DNAJC8: variants seen among roughly 807,000 people sequenced by gnomAD.
DNAJC8 encodes dnaJ homolog subfamily C member 8.
DNAJC8 carries 24 observed loss-of-function variants against 43.2 expected under a neutral mutation model. The observed-to-expected ratio is 0.56, with a 90% CI of 0.40 to 0.78. DNAJC8 has a LOEUF of 0.78. Ranked by LOEUF, DNAJC8 falls within the 30% of genes least tolerant of loss-of-function variation. The pLI, the probability that DNAJC8 is intolerant of heterozygous loss-of-function variation, is 0.00. For synonymous variants in DNAJC8, 83 were observed against 98.0 expected, an observed-to-expected ratio of 0.85 and a Z score of 0.90; for missense variants, 207 against 299.4, an observed-to-expected ratio of 0.69 and a Z score of 2.28.
chr1:28,228,434 G>T (rs143607157), intron 2 of DNAJC8, among the ~76,000 whole-genome samples: 2 of 151,826 alleles, frequency 1.3e-5, no homozygotes, highest in South Asian at 4.2e-4. Context: ...ATATATTTGG[G>T]TTGCTAAAAG....
chr1:28,208,333 T>G lies in DNAJC8; in HGVS notation c.471+9A>C. On this transcript the variant is annotated intron_variant, in intron 6 of 8. Transcript: ENST00000263697. ...CAAGATACAGTGGCTTTTCCTATAT[T>G]TAACTCACCAGCTCAGGATCATCCT... The G allele has an allele frequency of 1.2e-6, 2 of 1,610,258 alleles. No homozygotes were observed. The highest frequency in any genetic ancestry group is 1.7e-6 in the Non-Finnish European group (2 of 1,177,934).
At chr1:28,229,083 TAAC>T (rs1646956820) in intron 1 of DNAJC8, 60 bp from the exon 2 acceptor site, 1 of 1,382,626 alleles carries the variant, frequency 7.2e-7, no homozygotes, top group African/African-American at 1.4e-5. Context: ...TGAATTATCT[TAAC>T]AAAATGTTCA....
intron 5 of DNAJC8, among the ~76,000 whole-genome samples, chr1:28,209,529 C>T (rs1033756850): frequency 1.2e-4 from 19 of 152,156 alleles, no homozygotes; most frequent in Non-Finnish European, 2.9e-5. Context: ...TTAAGATGGA[C>T]ATAAACCTCC....
rs184914634 is a variant in DNAJC8 at position 28,200,291 on chromosome 1, T to G, written c.*957A>C. On this transcript the variant is annotated 3_prime_UTR_variant, in exon 9 of 9. Coordinates refer to ENST00000263697, the MANE Select transcript of DNAJC8 (RefSeq NM_014280.3). The stretch of plus-strand genomic sequence containing the variant: ...TGAGCTGGACGCTTTCATATATTAC[T>G]TCATTTAATCCTCAAAACAATCAGT... 2 of 358,000 alleles carry G rather than the reference T, an allele frequency of 5.6e-6. No homozygotes were observed. Among genetic ancestry groups the G allele is most frequent in the Non-Finnish European group, 1.1e-5 (2 of 182,754 alleles). The allele number at this position is 358,000 out of a possible 1,614,324, so 22.2% of individuals were successfully genotyped here.
chr1:28,222,184 G>A (rs1646902814), intron 2 of DNAJC8, among the ~76,000 whole-genome samples: 1 of 152,052 alleles, frequency 6.6e-6, no homozygotes, highest in Non-Finnish European at 1.5e-5. Context: ...CACTATGAGT[G>A]TATTTAAAAA....
chr1:28,210,275 A>G (rs1646801864), intron 4 of DNAJC8: 3 of 585,912 alleles, frequency 5.1e-6, no homozygotes, highest in Non-Finnish European at 9.0e-6. Flanking sequence ...CTCAAGGCTA[A>G]ATACACTACA....
At chr1:28,218,208 G>A (rs1646873692) in intron 2 of DNAJC8, among the ~76,000 whole-genome samples, 1 of 149,940 alleles carries the variant, frequency 6.7e-6, no homozygotes, top group South Asian at 2.1e-4. Flanking sequence ...CGATTCTCCT[G>A]CCTCAGCCTC....
chr1:28,225,813 G>C (rs980118443), intron 2 of DNAJC8, among the ~76,000 whole-genome samples: 1 of 145,542 alleles, frequency 6.9e-6, no homozygotes, highest in African/African-American at 2.6e-5. Context: ...AGTGATTCTT[G>C]GGCCTTAGCC....
chr1:28,227,941 A>G (rs901918077), intron 2 of DNAJC8, among the ~76,000 whole-genome samples: 1 of 152,254 alleles, frequency 6.6e-6, no homozygotes, highest in Non-Finnish European at 1.5e-5. Context: ...AAGCTATAAA[A>G]TTAAGAAAAT....
chr1:28,221,830 T>C (rs2149021987), intron 2 of DNAJC8, among the ~76,000 whole-genome samples: 1 of 152,242 alleles, frequency 6.6e-6, no homozygotes, highest in South Asian at 2.1e-4. Context: ...AGCTAAGATG[T>C]AGAACAACCC....
intron 3 of DNAJC8, among the ~76,000 whole-genome samples, chr1:28,214,685 C>T (rs1646839016): frequency 6.6e-6 from 1 of 152,136 alleles, no homozygotes; most frequent in African/African-American, 2.4e-5. Context: ...CTACTTTATA[C>T]TTATCCCTCT....
At chr1:28,223,323 G>C (rs1340487525) in intron 2 of DNAJC8, among the ~76,000 whole-genome samples, 1 of 152,162 alleles carries the variant, frequency 6.6e-6, no homozygotes, top group East Asian at 1.9e-4. Flanking sequence ...ATCAGTGTGG[G>C]ATGCTGGAGC....
intron 6 of DNAJC8, among the ~76,000 whole-genome samples, chr1:28,208,016 G>A (rs912879619): frequency 6.6e-6 from 1 of 152,086 alleles, no homozygotes; most frequent in Non-Finnish European, 1.5e-5. Flanking sequence ...AGACCAGACT[G>A]ACAAACATGG....
chr1:28,225,018 G>A (rs904697478), intron 2 of DNAJC8, among the ~76,000 whole-genome samples: 1 of 151,182 alleles, frequency 6.6e-6, no homozygotes, highest in Non-Finnish European at 1.5e-5. Flanking sequence ...TATACAGTGA[G>A]CGGAGTGATA....
chr1:28,210,639 T>C lies in DNAJC8; in HGVS notation c.238-2A>G. The C allele has an allele frequency of 6.2e-7, 1 of 1,613,484 alleles. No individual in the cohort carries two copies. The highest frequency in any genetic ancestry group is 8.5e-7 in the Non-Finnish European group (1 of 1,179,512). ...GTCAGGATGCACCAAGATGGATAAC[T>C]ACAATAAGAGAAAAGTTGGGGTTGT... On this transcript the variant is annotated splice_acceptor_variant, in intron 3 of 8. Coordinates refer to ENST00000263697, the MANE Select transcript of DNAJC8 (RefSeq NM_014280.3). LOFTEE classifies it high-confidence loss of function.
At chr1:28,217,243 G>A (rs1169827277) in intron 2 of DNAJC8, among the ~76,000 whole-genome samples, 1 of 151,736 alleles carries the variant, frequency 6.6e-6, no homozygotes, top group Non-Finnish European at 1.5e-5. Flanking sequence ...GTGGTCCTCT[G>A]GTCTCAGCCT....
At chr1:28,223,191 G>A (rs1444030647) in intron 2 of DNAJC8, among the ~76,000 whole-genome samples, 1 of 152,182 alleles carries the variant, frequency 6.6e-6, no homozygotes, top group East Asian at 1.9e-4. Flanking sequence ...AATATGAAAA[G>A]AGACATGGTA....
rs112145152 is a variant in DNAJC8, at chr1:28,231,772, A to T, written c.78+1149T>A. 8.0e-3 allele frequency among the ~76,000 whole-genome samples: 1,219 copies of T among 151,432 alleles called. 5 individuals are homozygous for T. Among genetic ancestry groups the T allele is most frequent in the Non-Finnish European group, 0.013 (889 of 67,880 alleles). Reference sequence around the variant, plus strand: ...CAGTCAGGTTAACTGTCTTCCAAGAATTTTTTTCTTTTTTAGACAGTCTCT... The same window carrying T: ...CAGTCAGGTTAACTGTCTTCCAAGATTTTTTTTCTTTTTTAGACAGTCTCT... On this transcript the variant is annotated intron_variant, in intron 1 of 8. Coordinates refer to ENST00000263697, the MANE Select transcript of DNAJC8 (RefSeq NM_014280.3).
intron 8 of DNAJC8, among the ~76,000 whole-genome samples, chr1:28,202,820 G>C (rs904434744): frequency 6.6e-6 from 1 of 151,410 alleles, no homozygotes; most frequent in African/African-American, 2.4e-5. Flanking sequence ...CTGACCTCAT[G>C]ATCTGCCCGC....
Sources: gnomAD v4.1 joint callset for allele counts (sites outside exome capture counted in the v4.1 genomes callset) on GRCh38, gnomAD v4.1.1 for gene constraint, MANE v1.5 for transcripts, NCBI Gene and HGNC (gene_info 2026-07-23, HGNC 2026-07-21) for gene names.